Variants in ATXN1 observed in about 807,000 individuals in gnomAD.
ATXN1 encodes ataxin-1.
Under a neutral mutation model 56.4 loss-of-function variants are expected in ATXN1, and 8 were observed. That is an observed-to-expected ratio of 0.14 (90% CI 0.08 to 0.26). ATXN1 has a LOEUF of 0.26. Among genes scored for constraint, ATXN1 ranks in the 10% least tolerant of loss-of-function variants. The pLI is 1.00. For missense variants in ATXN1, 987 were observed against 1,106.5 expected (o/e 0.89, Z 1.53); for synonymous variants, 514 against 494.6 (o/e 1.04, Z -0.52).
At chr6:16,699,205 A>C (rs1196262381) in intron 2 of ATXN1, among the ~76,000 whole-genome samples, 1 of 152,224 alleles carries the variant, frequency 6.6e-6, no homozygotes, top group Non-Finnish European at 1.5e-5. Flanking sequence ...ACTGCATTTC[A>C]AAACCTACAA....
At chr6:16,447,544 G>A (rs963028109) in intron 6 of ATXN1, among the ~76,000 whole-genome samples, 3 of 152,028 alleles carry the variant, frequency 2.0e-5, no homozygotes, top group African/African-American at 7.2e-5. Flanking sequence ...TTTTATCAAG[G>A]CAGAATCGCA....
chr6:16,698,037 C>T (rs1480332537), intron 2 of ATXN1, among the ~76,000 whole-genome samples: 1 of 152,104 alleles, frequency 6.6e-6, no homozygotes, highest in East Asian at 1.9e-4. Context: ...CCAGGAGCAC[C>T]GGGAGGGAAT....
chr6:16,531,578 A>T (rs1761504435), intron 4 of ATXN1, among the ~76,000 whole-genome samples: 2 of 151,320 alleles, frequency 1.3e-5, no homozygotes, highest in Non-Finnish European at 2.9e-5. Flanking sequence ...AGCCGAGATC[A>T]TGCCATTGCA....
rs547515939 is a variant in ATXN1, at chr6:16,554,016, T to C, written c.-360-31328A>G. Among the ~76,000 whole-genome samples, 3 of 152,320 alleles carry C rather than the reference T, an allele frequency of 2.0e-5. No homozygotes were observed. In the South Asian group the frequency reaches 6.2e-4, roughly 32 times the overall value. On this transcript the variant is annotated intron_variant, in intron 4 of 7. Coordinates refer to ENST00000436367, the MANE Select transcript of ATXN1 (RefSeq NM_001128164.2). Reference sequence around the variant, plus strand: ...ACAGGGCAGCACTGTGAGTCTCCATTTTCATGGAGTGCTAGGCTAGCATAT... The same window carrying C: ...ACAGGGCAGCACTGTGAGTCTCCATCTTCATGGAGTGCTAGGCTAGCATAT...
At position 16,496,275 on chromosome 6, in the gene ATXN1, A is replaced by T. The variant is rs878872579; in HGVS notation, c.-298-10166T>A. Among the ~76,000 whole-genome samples the T allele has an allele frequency of 3.9e-4, 59 of 152,358 alleles. 1 individual carries two copies. The highest frequency in any genetic ancestry group is 2.8e-4 in the Non-Finnish European group (19 of 68,028). The stretch of plus-strand genomic sequence containing the variant: ...TAAAACTGGGATTTCAATGGTCTTA[A>T]CTGTGAATACCATGTAGCAGAAATG... On this transcript the variant is annotated intron_variant, in intron 5 of 7. Transcript: ENST00000436367.
chr6:16,330,283 G>A (rs1760950590), intron 6 of ATXN1, among the ~76,000 whole-genome samples: 1 of 151,926 alleles, frequency 6.6e-6, no homozygotes, highest in Admixed American at 6.6e-5. Context: ...GTCCATGTTG[G>A]AGCAACACTG....
At position 16,355,753 on chromosome 6, in the gene ATXN1, G is replaced by A. The variant is rs750022865; in HGVS notation, c.-160-27283C>T. ...ATTTTTTTCTATTTTTAGTAGAGACGGGGTTTCACCGTATTGGCAAGGCTG... is the reference window on the plus strand; with the variant it reads ...ATTTTTTTCTATTTTTAGTAGAGACAGGGTTTCACCGTATTGGCAAGGCTG... On this transcript the variant is annotated intron_variant, in intron 6 of 7. Transcript: ENST00000436367. 3.3e-5 allele frequency among the ~76,000 whole-genome samples: 5 copies of A among 152,160 alleles called. No individual in the cohort carries two copies. In the South Asian group the frequency reaches 1.0e-3, roughly 32 times the overall value.
intron 5 of ATXN1, among the ~76,000 whole-genome samples, chr6:16,492,976 G>A (rs1019392472): frequency 2.0e-5 from 3 of 151,958 alleles, no homozygotes; most frequent in African/African-American, 4.8e-5. Context: ...ACATTCCATC[G>A]GTTTCCAAGT....
At chr6:16,736,668 C>T (rs553875987) in intron 2 of ATXN1, among the ~76,000 whole-genome samples, 79 of 152,302 alleles carry the variant, frequency 5.2e-4, no homozygotes, top group African/African-American at 1.8e-3. Context: ...GCACGTATAT[C>T]GCAAAGTGTT....
chr6:16,726,697 T>A (rs1397161607), intron 2 of ATXN1, among the ~76,000 whole-genome samples: 6 of 151,896 alleles, frequency 4.0e-5, no homozygotes. Flanking sequence ...AAACTCCATC[T>A]CTACTAAAAA....
chr6:16,531,572 G>A (rs1181202217), intron 4 of ATXN1, among the ~76,000 whole-genome samples: 5 of 150,054 alleles, frequency 3.3e-5, no homozygotes, highest in East Asian at 2.0e-4. Flanking sequence ...GCAGTGAGCC[G>A]AGATCATGCC....
intron 6 of ATXN1, among the ~76,000 whole-genome samples, chr6:16,476,529 A>C (rs868415664): frequency 8.6e-5 from 13 of 152,010 alleles, no homozygotes; most frequent in East Asian, 3.8e-4. Flanking sequence ...AATCCAAAAA[A>C]AAAAACAAAA....
chr6:16,631,317 G>T (rs1391961374), intron 3 of ATXN1, among the ~76,000 whole-genome samples: 1 of 152,176 alleles, frequency 6.6e-6, no homozygotes, highest in African/African-American at 2.4e-5. Flanking sequence ...GTTTCACAGG[G>T]TATGCAGTGA....
At chr6:16,347,850 G>C (rs1022365154) in intron 6 of ATXN1, among the ~76,000 whole-genome samples, 1 of 152,144 alleles carries the variant, frequency 6.6e-6, no homozygotes, top group Non-Finnish European at 1.5e-5. Flanking sequence ...AACCTTCTCC[G>C]ATCCCTTTCC....
chr6:16,433,574 T>C (rs1176656192), intron 6 of ATXN1, among the ~76,000 whole-genome samples: 6 of 152,198 alleles, frequency 3.9e-5, no homozygotes, highest in Non-Finnish European at 8.8e-5. Context: ...TAAAGCATCA[T>C]TTGAAAGTTT....
Position 16,328,378 on chromosome 6 carries a change from C to A in ATXN1, c.-68G>T. ...ATGGCTCTGATTTTAGTCTGATAAA[C>A]GGAAAGTCACATTTGATTTCTGTAG... On this transcript the variant is annotated 5_prime_UTR_variant, in exon 7 of 8. Coordinates refer to ENST00000436367, the MANE Select transcript of ATXN1 (RefSeq NM_001128164.2). This position sits in a 1 kb window ranked among gnomAD's most constrained non-coding sequence, Gnocchi z 6.2. 7.0e-7 allele frequency: 1 copy of A among 1,433,680 alleles called. No individual in the cohort carries two copies. The highest frequency in any genetic ancestry group is 9.1e-7 in the Non-Finnish European group (1 of 1,097,778). 88.8% of individuals were successfully genotyped at this position (1,433,680 alleles called of 1,614,324 possible). A position where few individuals can be genotyped will look rare whatever the true frequency, so the allele number is the denominator to read the frequency against.
Position 16,520,615 on chromosome 6 carries a change from G to A in ATXN1, c.-299+2012C>T, listed in dbSNP as rs74544103. Among the ~76,000 whole-genome samples, 42 of 152,210 alleles carry A rather than the reference G, an allele frequency of 2.8e-4. 1 individual carries two copies. The East Asian group carries it at 8.1e-3, about 29-fold the overall frequency. ...GGCCCTTAATTGCCCCCTTCTTTTA[G>A]TCTAATTAATCTCTTGACTCTAAAG... On this transcript the variant is annotated intron_variant, in intron 5 of 7. Coordinates refer to ENST00000436367, the MANE Select transcript of ATXN1 (RefSeq NM_001128164.2).
intron 5 of ATXN1, among the ~76,000 whole-genome samples, chr6:16,514,066 G>A (rs538174792): frequency 2.6e-5 from 4 of 152,176 alleles, no homozygotes; most frequent in African/African-American, 7.2e-5. Context: ...CAGCCGTAGC[G>A]TCTCTCATTA....
intron 6 of ATXN1, among the ~76,000 whole-genome samples, chr6:16,483,134 T>G (rs116310680): frequency 1.3e-5 from 2 of 149,828 alleles, no homozygotes; most frequent in African/African-American, 2.5e-5. Context: ...AGATCCCCCC[T>G]CCCCCCAGCC....
Sources: gnomAD v4.1 joint callset for allele counts (sites outside exome capture counted in the v4.1 genomes callset) on GRCh38, gnomAD v4.1.1 for gene constraint, Gnocchi (gnomAD v3.1) non-coding constraint, MANE v1.5 for transcripts, NCBI Gene and HGNC (gene_info 2026-07-23, HGNC 2026-07-21) for gene names.